Variants in GPM6A observed in about 807,000 individuals in gnomAD.
GPM6A encodes neuronal membrane glycoprotein M6-a.
GPM6A carries 7 observed loss-of-function variants against 32.1 expected under a neutral mutation model. The ratio of observed to expected loss-of-function variants is 0.22; its 90% CI spans 0.12 to 0.41. The LOEUF (loss-of-function observed/expected upper bound fraction) is 0.41. Among genes scored for constraint, GPM6A ranks in the 10% least tolerant of loss-of-function variants. The probability of loss-of-function intolerance (pLI) is 1.00; values close to 1 mark genes in which losing one functional copy is unlikely to be tolerated. For synonymous variants in GPM6A, 130 were observed against 123.4 expected, an observed-to-expected ratio of 1.05 and a Z score of -0.35; for missense variants, 235 against 347.2, an observed-to-expected ratio of 0.68 and a Z score of 2.57.
intron 1 of GPM6A, among the ~76,000 whole-genome samples, chr4:175,992,478 A>G (rs1394143078): frequency 6.6e-6 from 1 of 152,200 alleles, no homozygotes; most frequent in African/African-American, 2.4e-5. Context: ...TGGGAGCATC[A>G]TCTTCATAAT....
At chr4:175,733,829 G>C (rs182368126) in intron 1 of GPM6A, among the ~76,000 whole-genome samples, 1 of 152,238 alleles carries the variant, frequency 6.6e-6, no homozygotes, top group East Asian at 1.9e-4. Flanking sequence ...TGCTTTAAAA[G>C]CTAGCATTAA....
At chr4:175,917,144 C>CT (rs1738518798) in intron 1 of GPM6A, among the ~76,000 whole-genome samples, 1 of 152,122 alleles carries the variant, frequency 6.6e-6, no homozygotes, top group Non-Finnish European at 1.5e-5. Context: ...GGTCACTGGC[C>CT]TTGCTACCTT....
chr4:175,844,879 T>C (rs28493628), intron 1 of GPM6A, among the ~76,000 whole-genome samples: 2,939 of 152,214 alleles, frequency 0.019, 86 homozygotes, highest in South Asian at 0.095. Flanking sequence ...GTTTAGACAA[T>C]TGCTACTTCC....
intron 1 of GPM6A, among the ~76,000 whole-genome samples, chr4:175,727,349 A>C (rs1731217693): frequency 6.6e-6 from 1 of 152,210 alleles, no homozygotes; most frequent in South Asian, 2.1e-4. Context: ...GTAAAAGTTG[A>C]AGAATAGCAA....
intron 3 of GPM6A, among the ~76,000 whole-genome samples, chr4:175,660,069 G>A (rs1479756693): frequency 2.0e-5 from 3 of 152,038 alleles, no homozygotes; most frequent in East Asian, 3.9e-4. Context: ...GAAAAGATGA[G>A]GACAAGTAAA....
intron 1 of GPM6A, among the ~76,000 whole-genome samples, chr4:175,967,663 C>A (rs1221036057): frequency 6.6e-6 from 1 of 152,114 alleles, no homozygotes; most frequent in Non-Finnish European, 1.5e-5. Flanking sequence ...AACAAAATGT[C>A]ATTTACATTA....
At chr4:175,953,248 G>A (rs1008225237) in intron 1 of GPM6A, among the ~76,000 whole-genome samples, 1 of 152,018 alleles carries the variant, frequency 6.6e-6, no homozygotes, top group African/African-American at 2.4e-5. Context: ...AGTTTTTGAA[G>A]CTGAAAAACC....
At chr4:175,976,687 T>C (rs1361049158) in intron 1 of GPM6A, among the ~76,000 whole-genome samples, 1 of 152,142 alleles carries the variant, frequency 6.6e-6, no homozygotes, top group Admixed American at 6.5e-5. Flanking sequence ...GGTCCACTAA[T>C]AGAAAGCTCC....
chr4:175,814,588 A>G (rs977271315), upstream of GPM6A, among the ~76,000 whole-genome samples: 1 of 152,204 alleles, frequency 6.6e-6, no homozygotes, highest in African/African-American at 2.4e-5. Flanking sequence ...AGCAGAATAC[A>G]CTCATATAAC....
intron 1 of GPM6A, among the ~76,000 whole-genome samples, chr4:175,786,162 T>C (rs1305650478): frequency 6.6e-6 from 1 of 152,144 alleles, no homozygotes; most frequent in Non-Finnish European, 1.5e-5. Flanking sequence ...GTGTTTCTTT[T>C]GACTTGGAGA....
chr4:175,753,397 A>C (rs115000900), intron 1 of GPM6A, among the ~76,000 whole-genome samples: 2,107 of 152,254 alleles, frequency 0.014, 31 homozygotes, highest in South Asian at 0.037. Context: ...GCATATTATT[A>C]ACTTAGATTG....
At chr4:175,921,368 A>G (rs1052426934) in intron 1 of GPM6A, among the ~76,000 whole-genome samples, 2 of 152,164 alleles carry the variant, frequency 1.3e-5, no homozygotes, top group Non-Finnish European at 2.9e-5. Context: ...CTCTGTATGC[A>G]CTTTTTCCAA....
At chr4:175,882,610 T>C (rs1277608750) in intron 1 of GPM6A, among the ~76,000 whole-genome samples, 1 of 152,052 alleles carries the variant, frequency 6.6e-6, no homozygotes, top group African/African-American at 2.4e-5. Context: ...TCAGATGTTT[T>C]ACCTTACTTT....
chr4:175,954,018 C>T (rs1236524558), intron 1 of GPM6A, among the ~76,000 whole-genome samples: 4 of 152,172 alleles, frequency 2.6e-5, no homozygotes, highest in Non-Finnish European at 5.9e-5. Flanking sequence ...GCTGACAGCA[C>T]TGATCACTGG....
intron 1 of GPM6A, among the ~76,000 whole-genome samples, chr4:175,800,228 T>G (rs1399658982): frequency 1.3e-5 from 2 of 152,052 alleles, no homozygotes; most frequent in Non-Finnish European, 2.9e-5. Context: ...ATGTGCAAAG[T>G]AAAAATAAAT....
At chr4:175,653,609 G>C (rs533827374) in intron 3 of GPM6A, among the ~76,000 whole-genome samples, 1 of 152,016 alleles carries the variant, frequency 6.6e-6, no homozygotes, top group Non-Finnish European at 1.5e-5. Flanking sequence ...CATAAAAAAG[G>C]TATTCTTTTT....
intron 1 of GPM6A, among the ~76,000 whole-genome samples, chr4:175,951,550 A>G (rs1171204032): frequency 6.6e-6 from 1 of 152,242 alleles, no homozygotes; most frequent in African/African-American, 2.4e-5. Flanking sequence ...TGAGGGGAAT[A>G]CCATCTACCT....
intron 1 of GPM6A, among the ~76,000 whole-genome samples, chr4:175,921,497 A>G (rs1738664310): frequency 7.2e-6 from 1 of 138,980 alleles, no homozygotes. Context: ...CCAAAAAAAA[A>G]TCATGGACCA....
chr4:175,999,805 C>G (rs1198070858), intron 1 of GPM6A, among the ~76,000 whole-genome samples: 1 of 152,164 alleles, frequency 6.6e-6, no homozygotes, highest in Non-Finnish European at 1.5e-5. Flanking sequence ...CAGCATTCTC[C>G]TACGCTGTTT....
Sources: gnomAD v4.1 joint callset for allele counts (sites outside exome capture counted in the v4.1 genomes callset) on GRCh38, gnomAD v4.1.1 for gene constraint, MANE v1.5 for transcripts, NCBI Gene and HGNC (gene_info 2026-07-23, HGNC 2026-07-21) for gene names.